TTC6: variants seen among roughly 807,000 people sequenced by gnomAD.
TTC6 encodes the protein tetratricopeptide repeat domain 6.
TTC6 carries 172 observed loss-of-function variants against 210.4 expected under a neutral mutation model. That is an observed-to-expected ratio of 0.82 (90% CI 0.72 to 0.93). TTC6 has a LOEUF of 0.93. Ranked by LOEUF, TTC6 falls within the 40% of genes least tolerant of loss-of-function variation. TTC6 has a pLI of 0.00. For missense variants in TTC6, 2,414 were observed against 2,318.1 expected (o/e 1.04, Z -0.85); for synonymous variants, 804 against 819.6 (o/e 0.98, Z 0.32).
In TTC6 at chr14:37,680,287, T is replaced by G. The variant is rs533660317; in HGVS notation, c.1050+26T>G. 607 of 1,397,960 alleles carry G rather than the reference T, an allele frequency of 4.3e-4. 9 individuals are homozygous for G. The South Asian group carries it at 7.4e-3, about 17-fold the overall frequency. The allele number at this position is 1,397,960 out of a possible 1,614,324, so 86.6% of individuals were successfully genotyped here. ...GTAAAGTCTTTAATAAAAATCCTCCTTGCCTCTGTTAAAGTAACAGCATGC... is the reference window on the plus strand; with the variant it reads ...GTAAAGTCTTTAATAAAAATCCTCCGTGCCTCTGTTAAAGTAACAGCATGC... On this transcript the variant is annotated intron_variant, in intron 2 of 30. Transcript: ENST00000553443.
chr14:37,646,457 A>G (rs1311801148), intron 1 of TTC6, among the ~76,000 whole-genome samples: 4 of 152,152 alleles, frequency 2.6e-5, no homozygotes, highest in African/African-American at 9.7e-5. Flanking sequence ...TGATGAGACT[A>G]TAGGATGGAT....
chr14:37,796,637 T>C (rs1227066228), intron 19 of TTC6, 150 bp from the exon 22 acceptor site: 1 of 739,836 alleles, frequency 1.4e-6, no homozygotes, highest in Non-Finnish European at 2.1e-6. Flanking sequence ...TGGTAGTAAA[T>C]AGATCTTACT....
intron 18 of TTC6, 27 bp downstream of exon 20, chr14:37,795,379 T>C (rs1354684967): frequency 2.1e-6 from 3 of 1,428,352 alleles, no homozygotes; most frequent in Non-Finnish European, 2.8e-6. Flanking sequence ...TGAATTCTTC[T>C]TGGGATAACT....
chr14:37,697,687 T>C (rs2095817391), intron 4 of TTC6, among the ~76,000 whole-genome samples: 3 of 152,168 alleles, frequency 2.0e-5, no homozygotes, highest in Admixed American at 2.0e-4. Context: ...CAAATTGGCA[T>C]TTAAGTGACC....
chr14:37,739,670 G>A (rs375897997), intron 10 of TTC6, among the ~76,000 whole-genome samples: 3 of 151,712 alleles, frequency 2.0e-5, no homozygotes, highest in African/African-American at 2.4e-5. Context: ...AATTTAAATA[G>A]GGGACTGATT....
At chr14:37,820,891 CT>C (rs1406089405) in intron 26 of TTC6, among the ~76,000 whole-genome samples, 2 of 149,336 alleles carry the variant, frequency 1.3e-5, no homozygotes, top group African/African-American at 4.9e-5. Context: ...CCTCCTTCTC[CT>C]CCTTCTCCTC....
chr14:37,835,000 G>A (rs2096194347), intron 29 of TTC6, among the ~76,000 whole-genome samples: 1 of 152,104 alleles, frequency 6.6e-6, no homozygotes, highest in South Asian at 2.1e-4. Flanking sequence ...GGTTATTTGT[G>A]GACACTGTGG....
At chr14:37,707,985 C>A (rs1264037684) in intron 5 of TTC6, among the ~76,000 whole-genome samples, 1 of 151,954 alleles carries the variant, frequency 6.6e-6, no homozygotes, top group Non-Finnish European at 1.5e-5. Context: ...AAATTTGCCT[C>A]TATAGTTTCT....
chr14:37,679,163 G>C (rs2095777174), intron 1 of TTC6, among the ~76,000 whole-genome samples: 1 of 152,086 alleles, frequency 6.6e-6, no homozygotes. Flanking sequence ...TTGAGGTTAC[G>C]GGGAGCTATG....
chr14:37,740,266 A>G (rs529224380), intron 10 of TTC6, among the ~76,000 whole-genome samples: 1 of 152,292 alleles, frequency 6.6e-6, no homozygotes, highest in Non-Finnish European at 1.5e-5. Context: ...AGTAGCCAGT[A>G]TATTTAAAAT....
chr14:37,841,524 C>A, exon 30 of TTC6: 1 of 1,601,210 alleles, frequency 6.2e-7, no homozygotes, highest in Non-Finnish European at 8.5e-7. Context: ...ATTACAAATA[C>A]AATATTAAAG....
intron 1 of TTC6, among the ~76,000 whole-genome samples, chr14:37,656,672 C>T (rs926792364): frequency 2.6e-5 from 4 of 151,776 alleles, no homozygotes; most frequent in Admixed American, 6.6e-5. Context: ...AGTGGGGATT[C>T]CAGAGACTTT....
chr14:37,705,371 T>C (rs1566900366), intron 5 of TTC6, among the ~76,000 whole-genome samples: 1 of 152,120 alleles, frequency 6.6e-6, no homozygotes, highest in Non-Finnish European at 1.5e-5. Context: ...TTTTAACAAA[T>C]ATGCAAAAAC....
chr14:37,714,572 A>C, intron 5 of TTC6, 83 bp from the exon 8 acceptor site: 3 of 1,084,622 alleles, frequency 2.8e-6, no homozygotes, highest in Non-Finnish European at 3.8e-6. Context: ...TGTTTATTTC[A>C]GTGGAGTTAT....
chr14:37,717,774 A>G (rs753987093), intron 6 of TTC6, among the ~76,000 whole-genome samples: 1 of 152,194 alleles, frequency 6.6e-6, no homozygotes, highest in Non-Finnish European at 1.5e-5. Context: ...AGAAAGAAAG[A>G]AAGAAAGAAA....
At chr14:37,646,083 T>C (rs1167575657) in intron 1 of TTC6, among the ~76,000 whole-genome samples, 1 of 152,120 alleles carries the variant, frequency 6.6e-6, no homozygotes, top group Non-Finnish European at 1.5e-5. Flanking sequence ...GGAACCATAG[T>C]GTGTATGAAG....
chr14:37,832,573 A>G (rs576334949), intron 29 of TTC6, among the ~76,000 whole-genome samples: 14 of 151,800 alleles, frequency 9.2e-5, no homozygotes, highest in Non-Finnish European at 1.8e-4. Flanking sequence ...TATTGACCCA[A>G]TGGTTGTTCA....
At chr14:37,639,430 G>A (rs1470455759) in intron 1 of TTC6, among the ~76,000 whole-genome samples, 2 of 152,146 alleles carry the variant, frequency 1.3e-5, no homozygotes, top group East Asian at 3.8e-4. Flanking sequence ...GCTTATGCTA[G>A]CACAAATGAT....
chr14:37,742,415 T>A (rs1375588013), intron 10 of TTC6, among the ~76,000 whole-genome samples: 1 of 151,992 alleles, frequency 6.6e-6, no homozygotes, highest in Non-Finnish European at 1.5e-5. Flanking sequence ...TTGTTTTGTT[T>A]TTTTTGTTTT....
Sources: allele counts gnomAD v4.1 joint callset (sites outside exome capture counted in the v4.1 genomes callset), GRCh38; gene constraint gnomAD v4.1.1; transcripts MANE v1.5; gene names NCBI Gene and HGNC (gene_info 2026-07-23, HGNC 2026-07-21).